The following HPSE2 variants were observed in gnomAD, a reference collection of about 807,000 sequenced individuals.
HPSE2 encodes the protein heparanase 2 (inactive), also known as inactive heparanase-2.
In HPSE2, 38 loss-of-function variants were observed where a neutral mutation model predicts 60.5. That is an observed-to-expected ratio of 0.63 (90% CI 0.48 to 0.82). HPSE2 has a LOEUF of 0.82. HPSE2 is among the 40% of genes least tolerant of loss of function. The probability of loss-of-function intolerance (pLI) is 0.00; values close to 1 mark genes in which losing one functional copy is unlikely to be tolerated. For missense variants in HPSE2, 713 were observed against 740.4 expected (o/e 0.96, Z 0.43); for synonymous variants, 295 against 293.2 (o/e 1.01, Z -0.06).
At chr10:98,583,129 G>T (rs1944849017) in intron 9 of HPSE2, among the ~76,000 whole-genome samples, 1 of 152,188 alleles carries the variant, frequency 6.6e-6, no homozygotes, top group Admixed American at 6.5e-5. Flanking sequence ...CAGGAGAATA[G>T]GGTCTGGAGG....
chr10:99,051,897 G>A (rs1957999777), intron 3 of HPSE2, among the ~76,000 whole-genome samples: 1 of 151,364 alleles, frequency 6.6e-6, no homozygotes. Flanking sequence ...GTAAAATAAA[G>A]TCTACACTAG....
At chr10:99,075,028 C>T (rs1408779071) in intron 3 of HPSE2, among the ~76,000 whole-genome samples, 4 of 151,948 alleles carry the variant, frequency 2.6e-5, no homozygotes, top group African/African-American at 9.7e-5. Context: ...CTCTTCTATT[C>T]TCTATTACAT....
chr10:99,202,993 G>A (rs563729140), intron 2 of HPSE2, among the ~76,000 whole-genome samples: 1 of 152,262 alleles, frequency 6.6e-6, no homozygotes, highest in South Asian at 2.1e-4. Flanking sequence ...GCCCTCCTCA[G>A]TAAAGTCCAG....
chr10:99,163,135 C>G (rs568061230), intron 2 of HPSE2, among the ~76,000 whole-genome samples: 111 of 151,864 alleles, frequency 7.3e-4, no homozygotes, highest in Admixed American at 6.8e-3. Context: ...GGCATGAACC[C>G]AGGAGGCCGA....
chr10:98,982,659 A>G (rs1048260880), intron 3 of HPSE2, among the ~76,000 whole-genome samples: 3 of 152,158 alleles, frequency 2.0e-5, no homozygotes, highest in Non-Finnish European at 4.4e-5. Flanking sequence ...AACATTCACT[A>G]TGCATTCTAG....
intron 3 of HPSE2, among the ~76,000 whole-genome samples, chr10:99,094,417 C>CAATTTCTATATGTATATA (rs1241537346): frequency 6.8e-6 from 1 of 147,798 alleles, no homozygotes; most frequent in East Asian, 2.0e-4. Flanking sequence ...ATTTCTATAT[C>CAATTTCTATATGTATATA]CAATTCATAC....
In HPSE2 at chr10:98,743,888, C is replaced by T. The variant is rs1565129413; in HGVS notation, c.779G>A (p.Gly260Asp). Residue 260 changes from glycine to aspartate, a missense_variant, in exon 4 of 12, where the codon GGT becomes GAT. Gly to Asp is a moderately conservative substitution (Grantham distance 94). Transcript: ENST00000370552. Reference protein sequence around the residue: ...SKKYNISWELGNEPNNYRTMH... With the variant: ...SKKYNISWELDNEPNNYRTMH... Reference sequence around the variant, plus strand: ...GAAGTAACATCCTTACTTACCATTACCCAGTTCCCAAGAAATGTTGTACTT... The same window carrying T: ...GAAGTAACATCCTTACTTACCATTATCCAGTTCCCAAGAAATGTTGTACTT... The T allele has an allele frequency of 1.9e-6, 3 of 1,613,390 alleles. No homozygotes were observed. Among genetic ancestry groups the T allele is most frequent in the East Asian group, 2.2e-5 (1 of 44,860 alleles).
chr10:98,662,030 G>A (rs1305814568), intron 6 of HPSE2, among the ~76,000 whole-genome samples: 5 of 152,288 alleles, frequency 3.3e-5, no homozygotes, highest in Non-Finnish European at 4.4e-5. Flanking sequence ...GAGTAGCTGG[G>A]ACTACAGGCG....
chr10:99,170,650 A>C (rs900370426), intron 2 of HPSE2, among the ~76,000 whole-genome samples: 2 of 152,226 alleles, frequency 1.3e-5, no homozygotes, highest in Admixed American at 1.3e-4. Context: ...AACTGGATCT[A>C]ATACTAATCT....
chr10:99,246,278 C>T, the HPSE2 span, among the ~76,000 whole-genome samples: 1 of 152,108 alleles, frequency 6.6e-6, no homozygotes, highest in Admixed American at 6.5e-5. Flanking sequence ...GACAATGGAC[C>T]GGGTATTGTG....
chr10:98,932,320 G>A (rs1437220119), intron 3 of HPSE2, among the ~76,000 whole-genome samples: 1 of 143,916 alleles, frequency 6.9e-6, no homozygotes, highest in Non-Finnish European at 1.5e-5. Context: ...GGATAAAACC[G>A]ACCTGATCAT....
intron 1 of HPSE2, among the ~76,000 whole-genome samples, chr10:99,233,595 A>G (rs1849741507): frequency 6.6e-6 from 1 of 152,172 alleles, no homozygotes; most frequent in Non-Finnish European, 1.5e-5. Flanking sequence ...TTAACGCTTT[A>G]CTGTTTCAGA....
intron 9 of HPSE2, among the ~76,000 whole-genome samples, chr10:98,606,962 A>G (rs1265433445): frequency 6.6e-6 from 1 of 152,102 alleles, no homozygotes; most frequent in Non-Finnish European, 1.5e-5. Flanking sequence ...AATATTCTTA[A>G]ATTTGTCATA....
At chr10:98,880,041 T>A (rs183300721) in intron 3 of HPSE2, among the ~76,000 whole-genome samples, 8 of 152,162 alleles carry the variant, frequency 5.3e-5, no homozygotes, top group Non-Finnish European at 4.4e-5. Flanking sequence ...TGGAGGCATG[T>A]CTTTTGGCAA....
intron 9 of HPSE2, among the ~76,000 whole-genome samples, chr10:98,570,330 G>A (rs1490402805): frequency 6.6e-6 from 1 of 152,096 alleles, no homozygotes; most frequent in East Asian, 1.9e-4. Flanking sequence ...TGCCTTCATG[G>A]TACAGCACAA....
chr10:98,526,268 C>T (rs1942964572), intron 9 of HPSE2, among the ~76,000 whole-genome samples: 2 of 152,180 alleles, frequency 1.3e-5, no homozygotes, highest in African/African-American at 4.8e-5. Context: ...TTGTCTTTTA[C>T]TGTGAGTTGG....
intron 3 of HPSE2, among the ~76,000 whole-genome samples, chr10:98,905,954 C>T (rs1285854209): frequency 6.6e-6 from 1 of 152,182 alleles, no homozygotes; most frequent in Non-Finnish European, 1.5e-5. Flanking sequence ...AGAACTTAGT[C>T]TCCTGGCTGC....
At chr10:98,902,371 C>T (rs1217007906) in intron 3 of HPSE2, among the ~76,000 whole-genome samples, 2 of 152,122 alleles carry the variant, frequency 1.3e-5, no homozygotes, top group African/African-American at 2.4e-5. Flanking sequence ...AGTCCTACTT[C>T]ATTTAAATCT....
chr10:98,868,343 T>C (rs1952645871), intron 3 of HPSE2, among the ~76,000 whole-genome samples: 1 of 151,856 alleles, frequency 6.6e-6, no homozygotes, highest in South Asian at 2.1e-4. Flanking sequence ...TGCCAGAGAC[T>C]GAGAAGAGTA....
Sources: allele counts gnomAD v4.1 joint callset (sites outside exome capture counted in the v4.1 genomes callset), GRCh38; gene constraint gnomAD v4.1.1; transcripts MANE v1.5; gene names NCBI Gene and HGNC (gene_info 2026-07-23, HGNC 2026-07-21).